HSD11B2: variants seen among roughly 807,000 people sequenced by gnomAD.
HSD11B2 encodes 11-beta-hydroxysteroid dehydrogenase type 2.
In HSD11B2, 17 loss-of-function variants were observed where a neutral mutation model predicts 20.9. The observed-to-expected ratio is 0.81, with a 90% CI of 0.56 to 1.22. The LOEUF (loss-of-function observed/expected upper bound fraction) is 1.22, where lower values mean the gene tolerates loss of function less well. Among genes scored for constraint, HSD11B2 ranks in the 50% most tolerant of loss-of-function variants. HSD11B2 has a pLI of 0.00. For synonymous variants in HSD11B2, 253 were observed against 255.4 expected, an observed-to-expected ratio of 0.99 and a Z score of 0.09; for missense variants, 480 against 563.6, an observed-to-expected ratio of 0.85 and a Z score of 1.50.
Position 67,435,661 on chromosome 16 carries a change from A to G in HSD11B2, c.299A>G (p.Lys100Arg). ...CDSGFGKETAKKLDSMGFTVL... is the reference protein window; with the variant it reads ...CDSGFGKETARKLDSMGFTVL... ...TCTGGTTTTGGCAAGGAGACGGCCA[A>G]GAAACTGGACTCCATGGGCTTCACG... Residue 100 changes from lysine to arginine, a missense_variant, in exon 2 of 5, where the codon AAG becomes AGG. Lys to Arg is a conservative substitution (Grantham distance 26). Transcript: ENST00000326152. The G allele has an allele frequency of 2.5e-6, 4 of 1,613,838 alleles. No individual in the cohort carries two copies. Among genetic ancestry groups the G allele is most frequent in the Non-Finnish European group, 3.4e-6 (4 of 1,180,016 alleles).
upstream of HSD11B2, among the ~76,000 whole-genome samples, chr16:67,430,406 T>G (rs2040921174): frequency 6.6e-6 from 1 of 152,090 alleles, no homozygotes; most frequent in Non-Finnish European, 1.5e-5. The surrounding 1 kb of genome is among the most constrained non-coding windows in gnomAD (Gnocchi z 5.4). Flanking sequence ...CATACATTTG[T>G]GAGGCAGGAA....
chr16:67,436,874 G>A lies in HSD11B2; in HGVS notation c.1089G>A (p.Leu363=). ...CTGAAGGCCTGCGGCGCCGCTTCCT[G>A]CAGGCCTTCTTCATCAGTCACTGTC... The part of the protein sequence containing the change: ...YLPEGLRRRF[L]QAFFISHCLP... Residue 363 remains leucine (L), a synonymous_variant, in exon 5 of 5, where the codon CTG becomes CTA. Coordinates refer to ENST00000326152, the MANE Select transcript of HSD11B2 (RefSeq NM_000196.4). The surrounding 1 kb of genome is among the most constrained non-coding windows in gnomAD (Gnocchi z 5.7). The A allele has an allele frequency of 1.2e-6, 2 of 1,613,514 alleles. No homozygotes were observed. The highest frequency in any genetic ancestry group is 1.1e-5 in the South Asian group (1 of 91,086).
chr16:67,434,463 G>A (rs1597561751), intron 1 of HSD11B2, among the ~76,000 whole-genome samples: 1 of 152,322 alleles, frequency 6.6e-6, no homozygotes, highest in African/African-American at 2.4e-5. Flanking sequence ...GAGGGATATT[G>A]TCATTTTTGG....
intron 1 of HSD11B2, chr16:67,433,293 C>G (rs2040945843): frequency 6.6e-6 from 1 of 152,206 alleles, no homozygotes; most frequent in Non-Finnish European, 1.5e-5. Context: ...CTGCCAAGAA[C>G]ACTGTGTTTT....
Position 67,437,066 on chromosome 16 carries a change from C to T in HSD11B2, c.*63C>T, listed in dbSNP as rs2040982971. 1 of 1,506,014 alleles carries T rather than the reference C, an allele frequency of 6.6e-7. No individual in the cohort carries two copies. Among genetic ancestry groups the T allele is most frequent in the Admixed American group, 1.8e-5 (1 of 54,638 alleles). 93.3% of individuals were successfully genotyped at this position (1,506,014 alleles called of 1,614,324 possible). On this transcript the variant is annotated 3_prime_UTR_variant, in exon 5 of 5. Transcript: ENST00000326152. ...AGGCTCCGTGAGCCCTTGGTTCCTCCCCGAAAACCCCCAGCATTACGATCC... is the reference window on the plus strand; with the variant it reads ...AGGCTCCGTGAGCCCTTGGTTCCTCTCCGAAAACCCCCAGCATTACGATCC...
Position 67,436,678 on chromosome 16 carries a change from A to G in HSD11B2, c.893A>G (p.Asp298Gly), listed in dbSNP as rs1289702318. The G allele has an allele frequency of 1.2e-6, 2 of 1,614,138 alleles. No individual in the cohort carries two copies. Residue 298 changes from aspartate (D) to glycine (G), a missense_variant, in exon 5 of 5, where the codon GAC becomes GGC. Physicochemically the swap from Asp to Gly is moderately conservative, Grantham distance 94. Transcript: ENST00000326152. The surrounding 1 kb of genome is among the most constrained non-coding windows in gnomAD (Gnocchi z 5.7). ...GAGCTGCTGCAGGCCTACGGCAAGG[A>G]CTACATCGAGCACTTGCATGGGCAG... ...PQELLQAYGK[D>G]YIEHLHGQFL... is the part of the protein sequence containing the mutation.
At chr16:67,435,477 G>C (rs2040962663) in intron 1 of HSD11B2, 151 bp from the exon 2 acceptor site, 1 of 713,422 alleles carries the variant, frequency 1.4e-6, no homozygotes, top group African/African-American at 1.7e-5. Flanking sequence ...CAGCCTGCCA[G>C]GGATGGGCCT....
At position 67,436,794 on chromosome 16, in the gene HSD11B2, C is replaced by T. The variant is rs121917781; in HGVS notation, c.1009C>T (p.Arg337Cys). The T allele has an allele frequency of 3.1e-6, 5 of 1,613,776 alleles. No individual in the cohort carries two copies. The highest frequency in any genetic ancestry group is 4.2e-6 in the Non-Finnish European group (5 of 1,180,022). Residue 337 changes from arginine (R) to cysteine (C), a missense_variant, in exon 5 of 5, where the codon CGC becomes TGC. Transcript: ENST00000326152. This position sits in a 1 kb window ranked among gnomAD's most constrained non-coding sequence, Gnocchi z 5.7. The stretch of plus-strand genomic sequence containing the variant: ...GCTGCTGGCAGCTCGGCCCCGCCGC[C>T]GCTATTACCCCGGCCAGGGCCTGGG... ...DALLAARPRR[R>C]YYPGQGLGLM...
At position 67,431,241 on chromosome 16, in the gene HSD11B2, G is replaced by A; in HGVS notation, c.-8G>A. ...CCGCCCCGCCCCGCCCCAGCCCGCT[G>A]GGCCGCCATGGAGCGCTGGCCTTGG... On this transcript the variant is annotated 5_prime_UTR_variant, in exon 1 of 5. Transcript: ENST00000326152. 2 of 1,206,542 alleles carry A rather than the reference G, an allele frequency of 1.7e-6. No homozygotes were observed. The highest frequency in any genetic ancestry group is 2.1e-6 in the Non-Finnish European group (2 of 968,816). 74.7% of individuals were successfully genotyped at this position (1,206,542 alleles called of 1,614,324 possible).
rs199942060 is a variant in HSD11B2 at position 67,436,158 on chromosome 16, C to T, written c.664+16C>T. ...AGCCCAGCGGGTGAGTGCCCCCCCC[C>T]ACTGGAGCAAAAAGGAGCCCCCTGG... is the stretch of plus-strand genomic sequence containing the variant. On this transcript the variant is annotated intron_variant, in intron 3 of 4. Transcript: ENST00000326152. The surrounding 1 kb of genome is among the most constrained non-coding windows in gnomAD (Gnocchi z 5.7). 9 of 1,613,460 alleles carry T rather than the reference C, an allele frequency of 5.6e-6. No individual in the cohort carries two copies. The highest frequency in any genetic ancestry group is 3.3e-5 in the Admixed American group (2 of 60,002).
At position 67,437,457 on chromosome 16, in the gene HSD11B2, G is replaced by C. The variant is rs1266914582; in HGVS notation, c.*454G>C. ...TGTCTCTTGACTGGCTCAAGAATTA[G>C]GGCCCCAACTACACACCCCCAAGCC... On this transcript the variant is annotated 3_prime_UTR_variant, in exon 5 of 5. Transcript: ENST00000326152. 4.7e-6 allele frequency: 1 copy of C among 211,098 alleles called. No individual in the cohort carries two copies. The highest frequency in any genetic ancestry group is 9.6e-6 in the Non-Finnish European group (1 of 104,348). The allele number at this position is 211,098 out of a possible 1,614,324, so 13.1% of individuals were successfully genotyped here.
Position 67,436,378 on chromosome 16 carries a change from T to A in HSD11B2, c.794T>A (p.Phe265Tyr). The change falls in exon 4 of 5, where the codon TTC becomes TAC. Residue 265 changes from phenylalanine (F) to tyrosine (Y), a missense_variant. Around this residue, in one of 2 missense-constraint regions of HSD11B2, gnomAD observed 374 missense variants for 480.9 expected, o/e 0.78. Coordinates refer to ENST00000326152, the MANE Select transcript of HSD11B2 (RefSeq NM_000196.4). The surrounding 1 kb of genome is among the most constrained non-coding windows in gnomAD (Gnocchi z 5.7). ...GTCAGCATCATCCAGCCTGGCTGCT[T>A]CAAGACAGGTGGGAATCAGGGCTGG... ...VKVSIIQPGC[F>Y]KTESVRNVGQ... is the part of the protein sequence containing the mutation. 1.0e-6 allele frequency: 1 copy of A among 1,002,352 alleles called. No homozygotes were observed. The highest frequency in any genetic ancestry group is 1.2e-5 in the South Asian group (1 of 80,074). The allele number at this position is 1,002,352 out of a possible 1,614,324, so 62.1% of individuals were successfully genotyped here. A position where few individuals can be genotyped will look rare whatever the true frequency, so the allele number is the denominator to read the frequency against.
chr16:67,431,912 C>T (rs956130642), intron 1 of HSD11B2, among the ~76,000 whole-genome samples: 3 of 152,166 alleles, frequency 2.0e-5, no homozygotes, highest in Non-Finnish European at 4.4e-5. Context: ...ACATCCCCAC[C>T]TAAGATACCC....
intron 1 of HSD11B2, among the ~76,000 whole-genome samples, chr16:67,433,776 C>T (rs72650111): frequency 4.4e-4 from 67 of 152,168 alleles, no homozygotes; most frequent in African/African-American, 1.6e-3. Flanking sequence ...AAGTACCCCT[C>T]CTCAGCAGGA....
In HSD11B2 at chr16:67,437,254, C is replaced by G. The variant is rs1225640263; in HGVS notation, c.*251C>G. 4 of 585,222 alleles carry G rather than the reference C, an allele frequency of 6.8e-6. No individual in the cohort carries two copies. In the East Asian group the frequency reaches 1.1e-4, roughly 16 times the overall value. The allele number at this position is 585,222 out of a possible 1,614,324, so 36.3% of individuals were successfully genotyped here. A position where few individuals can be genotyped will look rare whatever the true frequency, so the allele number is the denominator to read the frequency against. On this transcript the variant is annotated 3_prime_UTR_variant, in exon 5 of 5. Coordinates refer to ENST00000326152, the MANE Select transcript of HSD11B2 (RefSeq NM_000196.4). ...CCTCCTGGCACAACGCTCTACCCTG[C>G]AGCTTGGAGAACTCCGCTGGATGGG...
At chr16:67,433,510 C>G (rs1297361220) in intron 1 of HSD11B2, among the ~76,000 whole-genome samples, 2 of 151,986 alleles carry the variant, frequency 1.3e-5, no homozygotes, top group Non-Finnish European at 2.9e-5. Context: ...GAAGTGTGTA[C>G]AGGTATCTGA....
At chr16:67,432,672 G>A (rs2040942116) in intron 1 of HSD11B2, 2 of 152,424 alleles carry the variant, frequency 1.3e-5, no homozygotes, top group South Asian at 4.1e-4. Flanking sequence ...GGGATATGAG[G>A]TGGTTTCCTT....
rs1483662470 is a variant in HSD11B2, at chr16:67,437,005, C to T, written c.*2C>T. 1 of 1,606,578 alleles carries T rather than the reference C, an allele frequency of 6.2e-7. No individual in the cohort carries two copies. Among genetic ancestry groups the T allele is most frequent in the East Asian group, 2.2e-5 (1 of 44,870 alleles). On this transcript the variant is annotated 3_prime_UTR_variant, in exon 5 of 5. Transcript: ENST00000326152. Reference sequence around the variant, plus strand: ...CCTTCCCCAGCAGTGGCTCGGTGAGCCATGTGCACCTATGGCCCAGCCACT... The same window carrying T: ...CCTTCCCCAGCAGTGGCTCGGTGAGTCATGTGCACCTATGGCCCAGCCACT...
chr16:67,433,329 C>G (rs868729297), intron 1 of HSD11B2: 1 of 152,284 alleles, frequency 6.6e-6, no homozygotes, highest in African/African-American at 2.4e-5. Flanking sequence ...GCTACTCCCC[C>G]TCTCCCTCCT....
Sources: gnomAD v4.1 joint callset for allele counts (sites outside exome capture counted in the v4.1 genomes callset) on GRCh38, gnomAD v4.1.1 for gene constraint, gnomAD v4.1.1 regional missense constraint, Gnocchi (gnomAD v3.1) non-coding constraint, MANE v1.5 for transcripts, NCBI Gene and HGNC (gene_info 2026-07-23, HGNC 2026-07-21) for gene names.